The following MSR1 variants were observed in gnomAD, a reference collection of about 807,000 sequenced individuals.
MSR1 encodes the protein macrophage scavenger receptor 1, also known as macrophage scavenger receptor types I and II.
In MSR1, 53 loss-of-function variants were observed where a neutral mutation model predicts 47.2. The observed-to-expected ratio is 1.12, with a 90% CI of 0.90 to 1.41. MSR1 has a LOEUF of 1.41. Among genes scored for constraint, MSR1 ranks in the 40% most tolerant of loss-of-function variants. The pLI is 0.00. For missense variants in MSR1, 786 were observed against 546.9 expected, an observed-to-expected ratio of 1.44 and a Z score of -4.36; for synonymous variants, 239 against 185.6, an observed-to-expected ratio of 1.29 and a Z score of -2.34.
At chr8:16,145,361 A>T (rs989881124) in intron 7 of MSR1, among the ~76,000 whole-genome samples, 1 of 152,148 alleles carries the variant, frequency 6.6e-6, no homozygotes. Flanking sequence ...AGCTCTAAGA[A>T]ATTGTTAAAA....
intron 8 of MSR1, chr8:16,140,918 T>A: frequency 6.2e-7 from 1 of 1,610,764 alleles, no homozygotes. Flanking sequence ...ATCTTGGAAG[T>A]CAGTTGTGCA....
At chr8:16,175,574 G>A (rs1319339282) in intron 2 of MSR1, among the ~76,000 whole-genome samples, 1 of 152,090 alleles carries the variant, frequency 6.6e-6, no homozygotes, top group Non-Finnish European at 1.5e-5. Flanking sequence ...TGATCTTTTG[G>A]AATCAGCTGG....
At chr8:16,130,231 T>G (rs1490741079) in intron 8 of MSR1, among the ~76,000 whole-genome samples, 1 of 152,154 alleles carries the variant, frequency 6.6e-6, no homozygotes, top group Non-Finnish European at 1.5e-5. Flanking sequence ...GGTCTTCACT[T>G]TATTGCACTT....
At position 16,109,412 on chromosome 8, in the gene MSR1, C is replaced by G. The variant is rs1203394586; in HGVS notation, c.*673G>C. 1.3e-5 allele frequency: 2 copies of G among 152,142 alleles called. No individual in the cohort carries two copies. Among genetic ancestry groups the G allele is most frequent in the African/African-American group, 4.8e-5 (2 of 41,404 alleles). 9.4% of individuals were successfully genotyped at this position (152,142 alleles called of 1,614,324 possible). On this transcript the variant is annotated 3_prime_UTR_variant, in exon 10 of 10. Transcript: ENST00000262101. ...ATTTTTGATCCACCAATTATCTGGA[C>G]AAATATACTGATGGTCAGTTTTCTC...
rs576934361 is a variant in MSR1, at chr8:16,112,479, A to C, written c.1223-2261T>G. Among the ~76,000 whole-genome samples, 187 of 152,212 alleles carry C rather than the reference A, an allele frequency of 1.2e-3. 2 individuals carry two copies. The highest frequency in any genetic ancestry group is 4.5e-3 in the African/African-American group (186 of 41,562). On this transcript the variant is annotated intron_variant, in intron 9 of 9. Transcript: ENST00000262101. ...AGATAGAATTATAGAAGTAATTTCCAAAGATTTGTTGTTTTATTTTTATAT... is the reference window on the plus strand; with the variant it reads ...AGATAGAATTATAGAAGTAATTTCCCAAGATTTGTTGTTTTATTTTTATAT...
At chr8:16,147,099 T>C (rs1800720284) in intron 7 of MSR1, among the ~76,000 whole-genome samples, 1 of 152,176 alleles carries the variant, frequency 6.6e-6, no homozygotes, top group African/African-American at 2.4e-5. Context: ...TTCTACTATG[T>C]TGAACAAGGT....
Position 16,155,051 on chromosome 8 carries a change from A to T in MSR1, c.898+13T>A. On this transcript the variant is annotated intron_variant, in intron 6 of 9. Coordinates refer to ENST00000262101, the MANE Select transcript of MSR1 (RefSeq NM_138715.3). ...CTTCACAGTATATGATTAAATAGCTAAAATTACCATACCTATTGGACCTGG... is the reference window on the plus strand; with the variant it reads ...CTTCACAGTATATGATTAAATAGCTTAAATTACCATACCTATTGGACCTGG... 1 of 1,605,110 alleles carries T rather than the reference A, an allele frequency of 6.2e-7. No homozygotes were observed. The highest frequency in any genetic ancestry group is 8.5e-7 in the Non-Finnish European group (1 of 1,172,440).
chr8:16,146,795 T>A (rs993628382), intron 7 of MSR1, among the ~76,000 whole-genome samples: 1 of 152,156 alleles, frequency 6.6e-6, no homozygotes, highest in Non-Finnish European at 1.5e-5. Flanking sequence ...TAAAATATTA[T>A]TAAAATCAGT....
chr8:16,112,482 G>T (rs1458280414), intron 9 of MSR1, among the ~76,000 whole-genome samples: 1 of 151,990 alleles, frequency 6.6e-6, no homozygotes, highest in Non-Finnish European at 1.5e-5. Context: ...AATTTCCAAA[G>T]ATTTGTTGTT....
intron 7 of MSR1, among the ~76,000 whole-genome samples, chr8:16,149,694 T>C (rs1462238629): frequency 1.3e-5 from 2 of 151,576 alleles, no homozygotes; most frequent in African/African-American, 4.8e-5. Context: ...GCAACCTTGA[T>C]TCTTAAGCAC....
chr8:16,170,427 G>C (rs1181907015), intron 3 of MSR1, among the ~76,000 whole-genome samples: 2 of 151,850 alleles, frequency 1.3e-5, no homozygotes, highest in Non-Finnish European at 2.9e-5. Flanking sequence ...TTCAGTCATG[G>C]CTGAGGTTTT....
At chr8:16,181,651 G>T (rs1038809888) in intron 1 of MSR1, among the ~76,000 whole-genome samples, 5 of 151,994 alleles carry the variant, frequency 3.3e-5, no homozygotes, top group Non-Finnish European at 7.4e-5. Flanking sequence ...GCCTGTCAGG[G>T]GGTGGGAGGC....
At chr8:16,115,128 G>A (rs762751108) in intron 9 of MSR1, among the ~76,000 whole-genome samples, 1 of 152,084 alleles carries the variant, frequency 6.6e-6, no homozygotes, top group Non-Finnish European at 1.5e-5. Flanking sequence ...GCGGTGAGCC[G>A]AGATTGTGCC....
chr8:16,113,228 G>T (rs894856711), intron 9 of MSR1, among the ~76,000 whole-genome samples: 1 of 151,868 alleles, frequency 6.6e-6, no homozygotes, highest in East Asian at 1.9e-4. Context: ...GATTACAGGG[G>T]TGAGCCACTG....
At chr8:16,186,240 C>G (rs759843733) in intron 1 of MSR1, 1 of 1,519,212 alleles carries the variant, frequency 6.6e-7, no homozygotes, top group South Asian at 1.2e-5. Flanking sequence ...CTGGGTATTC[C>G]TCCTCATCTC....
intron 1 of MSR1, among the ~76,000 whole-genome samples, chr8:16,179,017 C>T (rs1801744601): frequency 1.3e-5 from 2 of 152,150 alleles, no homozygotes; most frequent in African/African-American, 4.8e-5. Context: ...TTAACTTTCA[C>T]GTAAAAAGAC....
In MSR1 at chr8:16,155,420, G is replaced by C. The variant is rs546462946; in HGVS notation, c.818-276C>G. On this transcript the variant is annotated intron_variant, in intron 5 of 9. Coordinates refer to ENST00000262101, the MANE Select transcript of MSR1 (RefSeq NM_138715.3). ...CACTTTTCTATGTTCTGAGAACCTG[G>C]GGGCAGAGAAAAGACAGCAGGCTGG... is the stretch of plus-strand genomic sequence containing the variant. 2.0e-5 allele frequency among the ~76,000 whole-genome samples: 3 copies of C among 152,080 alleles called. No individual in the cohort carries two copies. The East Asian group carries it at 5.8e-4, about 29-fold the overall frequency.
In MSR1 at chr8:16,120,673, T is replaced by C; in HGVS notation, c.1034-67A>G. On this transcript the variant is annotated intron_variant, in intron 8 of 9. Transcript: ENST00000262101. ...CAAGGACTAATTATGTACATACTGCTTTACAGCACTTTTTTTTTAAACACA... is the reference window on the plus strand; with the variant it reads ...CAAGGACTAATTATGTACATACTGCCTTACAGCACTTTTTTTTTAAACACA... 3 of 1,490,190 alleles carry C rather than the reference T, an allele frequency of 2.0e-6. No individual in the cohort carries two copies. In the South Asian group the frequency reaches 3.8e-5, roughly 19 times the overall value. 92.3% of individuals were successfully genotyped at this position (1,490,190 alleles called of 1,614,324 possible). A position where few individuals can be genotyped will look rare whatever the true frequency, so the allele number is the denominator to read the frequency against.
chr8:16,175,615 A>T (rs1801623775), intron 2 of MSR1, among the ~76,000 whole-genome samples: 1 of 152,228 alleles, frequency 6.6e-6, no homozygotes, highest in South Asian at 2.1e-4. Context: ...TACATATACA[A>T]ACATAAATTT....
Sources: gnomAD v4.1 joint callset for allele counts (sites outside exome capture counted in the v4.1 genomes callset) on GRCh38, gnomAD v4.1.1 for gene constraint, MANE v1.5 for transcripts, NCBI Gene and HGNC (gene_info 2026-07-23, HGNC 2026-07-21) for gene names.